The following TULP4 variants were observed in gnomAD, a reference collection of about 807,000 sequenced individuals.
The protein encoded by TULP4 is TUB like protein 4.
Under a neutral mutation model 129.0 loss-of-function variants are expected in TULP4, and 16 were observed. The observed-to-expected ratio is 0.12, with a 90% CI of 0.08 to 0.19. TULP4 has a LOEUF of 0.19. Ranked by LOEUF, TULP4 falls within the 10% of genes least tolerant of loss-of-function variation. The pLI is 1.00. For missense variants in TULP4, 1,842 were observed against 2,059.1 expected, an observed-to-expected ratio of 0.89 and a Z score of 2.04; for synonymous variants, 998 against 854.0, an observed-to-expected ratio of 1.17 and a Z score of -2.94.
chr6:158,236,468 ATTC>A (rs1216498325), intron 1 of TULP4, among the ~76,000 whole-genome samples: 1 of 152,304 alleles, frequency 6.6e-6, no homozygotes, highest in East Asian at 1.9e-4. Flanking sequence ...TTATCATGGA[ATTC>A]TTTTTTTTCT....
At chr6:158,434,482 C>T (rs1292226224) in intron 3 of TULP4, among the ~76,000 whole-genome samples, 1 of 152,128 alleles carries the variant, frequency 6.6e-6, no homozygotes, top group Non-Finnish European at 1.5e-5. Flanking sequence ...AATGCTGCAA[C>T]AGTGAAGCTT....
At chr6:158,320,051 C>T (rs115253007) in intron 1 of TULP4, among the ~76,000 whole-genome samples, 1,950 of 152,192 alleles carry the variant, frequency 0.013, 46 homozygotes, top group African/African-American at 0.043. Context: ...CATTTGGGGA[C>T]GGAAACAAAA....
At chr6:158,422,818 C>T (rs1412620644) in intron 2 of TULP4, among the ~76,000 whole-genome samples, 1 of 152,214 alleles carries the variant, frequency 6.6e-6, no homozygotes, top group Non-Finnish European at 1.5e-5. Flanking sequence ...CCACCCCAGC[C>T]TTTAAATATG....
Position 158,275,805 on chromosome 6 carries a change from A to G in TULP4, n.69-36246A>G, listed in dbSNP as rs151043763. Among the ~76,000 whole-genome samples, 770 of 152,292 alleles carry G rather than the reference A, an allele frequency of 5.1e-3. 5 individuals carry two copies. The highest frequency in any genetic ancestry group is 0.018 in the African/African-American group (744 of 41,552). On this transcript the variant is annotated intron_variant and non_coding_transcript_variant, in intron 1 of 1. Transcript: ENST00000620026. ...CTTGTTTGTAGTTCTGCTGTGGAGG[A>G]CAGTAACTCGTCATCTTATTTAAGA...
intron 2 of TULP4, among the ~76,000 whole-genome samples, chr6:158,420,175 A>G (rs1778303458): frequency 6.6e-6 from 1 of 152,236 alleles, no homozygotes; most frequent in Admixed American, 6.5e-5. Flanking sequence ...TTATTGACAA[A>G]ATTTAAAATT....
intron 1 of TULP4, among the ~76,000 whole-genome samples, chr6:158,259,950 T>C (rs1778321071): frequency 6.6e-6 from 1 of 152,206 alleles, no homozygotes; most frequent in African/African-American, 2.4e-5. Flanking sequence ...TCCTGGCACA[T>C]CAATGTATTC....
chr6:158,237,152 A>G (rs940193531), intron 1 of TULP4, among the ~76,000 whole-genome samples: 5 of 151,992 alleles, frequency 3.3e-5, no homozygotes, highest in African/African-American at 1.2e-4. Flanking sequence ...TGAGGCAACC[A>G]GTAGGCCATA....
chr6:158,257,502 G>A (rs527876574), intron 1 of TULP4, among the ~76,000 whole-genome samples: 1 of 152,294 alleles, frequency 6.6e-6, no homozygotes, highest in South Asian at 2.1e-4. Flanking sequence ...TTGTGCAGCC[G>A]CCATGGTGTG....
chr6:158,452,198 C>G lies in TULP4; in HGVS notation c.789C>G (p.Thr263=). The change falls in exon 5 of 14, where the codon ACC becomes ACG. Residue 263 remains threonine, a synonymous_variant. Transcript: ENST00000367097. ...AGCCTCTGCTCACCGTCAGCTTCAC[C>G]TCGGGAGACATCAGCTTAATGAACA... ...NIKPLLTVSF[T]SGDISLMNNY... 1 of 1,614,222 alleles carries G rather than the reference C, an allele frequency of 6.2e-7. No homozygotes were observed. The highest frequency in any genetic ancestry group is 1.1e-5 in the South Asian group (1 of 91,074).
intron 1 of TULP4, among the ~76,000 whole-genome samples, chr6:158,368,535 A>G (rs927216526): frequency 6.6e-6 from 1 of 152,206 alleles, no homozygotes; most frequent in Non-Finnish European, 1.5e-5. Context: ...ATCTATCTCT[A>G]GTAGTGTTTC....
intron 1 of TULP4, among the ~76,000 whole-genome samples, chr6:158,319,702 A>C (rs1264374089): frequency 6.6e-6 from 1 of 152,238 alleles, no homozygotes. Flanking sequence ...TGGAATTATA[A>C]ATGTATTCAG....
rs376167092 is a variant in TULP4 at position 158,449,184 on chromosome 6, T to C, written c.724+8T>C. On this transcript the variant is annotated splice_region_variant and intron_variant, in intron 4 of 13. Transcript: ENST00000367097. ...ACTACGCCCCTCCCCAAGGTACTCA[T>C]TGGCCCTACTTTCCTTGTCACTGAC... 108 of 1,606,250 alleles carry C rather than the reference T, an allele frequency of 6.7e-5. No individual in the cohort carries two copies. Among genetic ancestry groups the C allele is most frequent in the Non-Finnish European group, 8.3e-5 (98 of 1,175,842 alleles).
chr6:158,440,581 A>G (rs1051814530), intron 3 of TULP4, among the ~76,000 whole-genome samples: 32 of 152,212 alleles, frequency 2.1e-4, no homozygotes, highest in Non-Finnish European at 4.4e-4. Context: ...ATACCACACA[A>G]GGGAGGCCCA....
chr6:158,316,078 A>T (rs1344342778), intron 1 of TULP4, among the ~76,000 whole-genome samples: 8 of 152,148 alleles, frequency 5.3e-5, no homozygotes, highest in Non-Finnish European at 1.0e-4. Flanking sequence ...GGCTTCTTTC[A>T]CTCAACGTGA....
At chr6:158,284,563 C>G (rs1310063929) in intron 1 of TULP4, among the ~76,000 whole-genome samples, 1 of 152,206 alleles carries the variant, frequency 6.6e-6, no homozygotes, top group Admixed American at 6.5e-5. Flanking sequence ...CTGCTTGATT[C>G]GTTCATTCCT....
chr6:158,387,476 A>G (rs903973472), intron 1 of TULP4, among the ~76,000 whole-genome samples: 1 of 152,226 alleles, frequency 6.6e-6, no homozygotes, highest in African/African-American at 2.4e-5. Flanking sequence ...TAAACACCTT[A>G]TACGTTTTAC....
Position 158,505,604 on chromosome 6 carries a change from G to A in TULP4, c.4516-974G>A, listed in dbSNP as rs377045088. ...ACAGAGCCCCGCCGCTGTGGAACACGCAGACTGGGGACCAGAGGCGGATGA... is the reference window on the plus strand; with the variant it reads ...ACAGAGCCCCGCCGCTGTGGAACACACAGACTGGGGACCAGAGGCGGATGA... On this transcript the variant is annotated intron_variant, in intron 13 of 13. Transcript: ENST00000367097. 3.6e-4 allele frequency among the ~76,000 whole-genome samples: 55 copies of A among 152,360 alleles called. 2 individuals are homozygous for A. Among genetic ancestry groups the A allele is most frequent in the African/African-American group, 1.1e-3 (47 of 41,590 alleles).
intron 5 of TULP4, among the ~76,000 whole-genome samples, chr6:158,453,291 C>G (rs769965498): frequency 1.3e-4 from 19 of 151,728 alleles, no homozygotes; most frequent in Non-Finnish European, 2.2e-4. Flanking sequence ...CATGGTGAAA[C>G]CCCATCTCTA....
At chr6:158,254,571 G>C (rs1313914906) in intron 1 of TULP4, among the ~76,000 whole-genome samples, 1 of 152,222 alleles carries the variant, frequency 6.6e-6, no homozygotes, top group Admixed American at 6.5e-5. Flanking sequence ...CACTGTAAGT[G>C]ATAATCATTG....
Sources: gnomAD v4.1 joint callset for allele counts (sites outside exome capture counted in the v4.1 genomes callset) on GRCh38, gnomAD v4.1.1 for gene constraint, MANE v1.5 for transcripts, NCBI Gene and HGNC (gene_info 2026-07-23, HGNC 2026-07-21) for gene names.